Variants in CCDC73 observed in about 807,000 individuals in gnomAD.
The protein encoded by CCDC73 is coiled-coil domain containing 73, also known as coiled-coil domain-containing protein 73.
CCDC73 carries 95 observed loss-of-function variants against 116.5 expected under a neutral mutation model. That is an observed-to-expected ratio of 0.82 (90% CI 0.69 to 0.97). The LOEUF (loss-of-function observed/expected upper bound fraction) is 0.97. Ranked by LOEUF, CCDC73 falls within the 50% of genes least tolerant of loss-of-function variation. CCDC73 has a pLI of 0.00. For synonymous variants in CCDC73, 398 were observed against 401.3 expected (o/e 0.99, Z 0.10); for missense variants, 1,066 against 1,206.8 (o/e 0.88, Z 1.73).
chr11:32,748,205 C>T (rs1290217250), intron 2 of CCDC73, among the ~76,000 whole-genome samples: 2 of 151,462 alleles, frequency 1.3e-5, no homozygotes, highest in Non-Finnish European at 2.9e-5. Flanking sequence ...TGTGGTTTTC[C>T]TTTTTTCTTC....
intron 2 of CCDC73, among the ~76,000 whole-genome samples, chr11:32,719,753 T>TAATAAGC (rs1259480144): frequency 6.6e-6 from 1 of 152,090 alleles, no homozygotes; most frequent in African/African-American, 2.4e-5. Context: ...ATTAAAAAGA[T>TAATAAGC]AATAAGCAAA....
At chr11:32,697,260 C>T (rs983118369) in intron 6 of CCDC73, among the ~76,000 whole-genome samples, 1 of 151,998 alleles carries the variant, frequency 6.6e-6, no homozygotes, top group South Asian at 2.1e-4. Flanking sequence ...AATACTTCAT[C>T]ATACATTTTC....
chr11:32,808,693 C>G, the CCDC73 span, among the ~76,000 whole-genome samples: 5 of 151,630 alleles, frequency 3.3e-5, no homozygotes, highest in East Asian at 7.7e-4. Context: ...GTGATGAATA[C>G]TATTCTTCCT....
intron 2 of CCDC73, among the ~76,000 whole-genome samples, chr11:32,751,459 A>G (rs1850286829): frequency 6.6e-6 from 1 of 152,138 alleles, no homozygotes; most frequent in Non-Finnish European, 1.5e-5. Flanking sequence ...GAAACCCCCC[A>G]GCGGCAAGGC....
chr11:32,821,668 C>T, the CCDC73 span, among the ~76,000 whole-genome samples: 1 of 152,120 alleles, frequency 6.6e-6, no homozygotes, highest in Admixed American at 6.6e-5. Flanking sequence ...CTTCATAAGT[C>T]ATAGGGTATG....
intron 2 of CCDC73, among the ~76,000 whole-genome samples, chr11:32,737,451 A>T (rs985676299): frequency 1.3e-5 from 2 of 152,072 alleles, no homozygotes; most frequent in African/African-American, 4.8e-5. Context: ...CATCTCTACT[A>T]AAAATACAAA....
intron 12 of CCDC73, among the ~76,000 whole-genome samples, chr11:32,645,482 G>A (rs903131444): frequency 2.0e-5 from 3 of 151,590 alleles, no homozygotes; most frequent in African/African-American, 4.8e-5. Flanking sequence ...GTAGAGACGG[G>A]GTTTCACCAT....
At chr11:32,796,961 G>A (rs373239725), upstream of CCDC73, among the ~76,000 whole-genome samples, 13 of 132,900 alleles carry the variant, frequency 9.8e-5, no homozygotes, top group Admixed American at 8.0e-4. Context: ...GCAGTGAGCC[G>A]AGATCACACC....
At chr11:32,743,039 T>C (rs1265025369) in intron 2 of CCDC73, among the ~76,000 whole-genome samples, 2 of 152,240 alleles carry the variant, frequency 1.3e-5, no homozygotes, top group Non-Finnish European at 2.9e-5. Flanking sequence ...ACCAGTACCA[T>C]GCTGTTTTGG....
In CCDC73 at chr11:32,699,328, T is replaced by G. The variant is rs992467481; in HGVS notation, c.316-3A>C. 1 of 1,563,102 alleles carries G rather than the reference T, an allele frequency of 6.4e-7. No individual in the cohort carries two copies. The highest frequency in any genetic ancestry group is 2.3e-5 in the East Asian group (1 of 43,028). On this transcript the variant is annotated splice_region_variant and splice_polypyrimidine_tract_variant and intron_variant, in intron 5 of 17. Coordinates refer to ENST00000335185, the MANE Select transcript of CCDC73 (RefSeq NM_001008391.4). ...TCTGTAGCAAGTTGATATTTTCCCT[T>G]TAAGTAAAAAACTGTATTTCAATAC...
intron 7 of CCDC73, chr11:32,681,603 A>T (rs1367985840): frequency 1.3e-5 from 2 of 151,978 alleles, no homozygotes; most frequent in Non-Finnish European, 2.9e-5. Context: ...AAATTTTCTT[A>T]ATAGTATTTT....
chr11:32,819,195 T>A, the CCDC73 span, among the ~76,000 whole-genome samples: 2 of 151,924 alleles, frequency 1.3e-5, no homozygotes, highest in African/African-American at 4.8e-5. Flanking sequence ...ATATTTAATA[T>A]GGTCTTAAAT....
intron 17 of CCDC73, among the ~76,000 whole-genome samples, chr11:32,607,079 A>AT (rs1565054204): frequency 2.3e-4 from 28 of 119,242 alleles, no homozygotes; most frequent in African/African-American, 5.8e-4. Flanking sequence ...GCCAAAAATA[A>AT]ATTTTTTTTT....
intron 2 of CCDC73, among the ~76,000 whole-genome samples, chr11:32,719,682 T>C (rs1849974286): frequency 6.6e-6 from 1 of 152,200 alleles, no homozygotes; most frequent in South Asian, 2.1e-4. Context: ...ATAAAACTTT[T>C]AATCAAACTA....
chr11:32,640,790 G>A (rs1236304411), intron 13 of CCDC73, among the ~76,000 whole-genome samples: 1 of 152,174 alleles, frequency 6.6e-6, no homozygotes, highest in African/African-American at 2.4e-5. Context: ...GGCTAAGGCA[G>A]GCGGATCGCA....
chr11:32,734,174 G>T (rs1230156561), intron 2 of CCDC73, among the ~76,000 whole-genome samples: 1 of 152,152 alleles, frequency 6.6e-6, no homozygotes, highest in Non-Finnish European at 1.5e-5. Context: ...AAATCTAGAA[G>T]AAATGGATAA....
chr11:32,827,091 G>A, the CCDC73 span, among the ~76,000 whole-genome samples: 1 of 151,964 alleles, frequency 6.6e-6, no homozygotes. Context: ...GTCTCAAACT[G>A]CTGACCTCAT....
At chr11:32,821,097 C>A in the CCDC73 span, among the ~76,000 whole-genome samples, 2 of 151,966 alleles carry the variant, frequency 1.3e-5, no homozygotes, top group Admixed American at 6.6e-5. Flanking sequence ...TATAATTTTT[C>A]TTTTGCTTTT....
Position 32,614,185 on chromosome 11 carries a change from T to C in CCDC73, c.2133A>G (p.Ser711=). 2 of 1,613,950 alleles carry C rather than the reference T, an allele frequency of 1.2e-6. No homozygotes were observed. Among genetic ancestry groups the C allele is most frequent in the Non-Finnish European group, 1.7e-6 (2 of 1,179,888 alleles). ...PCDIVIDHHV[S]YAAFSANSKL... ...TTGAATTAGCACTAAAAGCAGCATATGAAACATGGTGGTCGATTACTATAT... is the reference window on the plus strand; with the variant it reads ...TTGAATTAGCACTAAAAGCAGCATACGAAACATGGTGGTCGATTACTATAT... The change falls in exon 16 of 18, where the codon TCA becomes TCG. Residue 711 remains serine (S), a synonymous_variant. Transcript: ENST00000335185.
Sources: allele counts gnomAD v4.1 joint callset (sites outside exome capture counted in the v4.1 genomes callset), GRCh38; gene constraint gnomAD v4.1.1; transcripts MANE v1.5; gene names NCBI Gene and HGNC (gene_info 2026-07-23, HGNC 2026-07-21).